Variants in LRMDA observed in about 807,000 individuals in gnomAD.
LRMDA encodes leucine-rich melanocyte differentiation-associated protein.
A neutral mutation model predicts 29.8 loss-of-function variants in LRMDA; 18 were observed. The observed-to-expected ratio is 0.60, with a 90% confidence interval of 0.42 to 0.90. The LOEUF (loss-of-function observed/expected upper bound fraction) is 0.90, where lower values mean the gene tolerates loss of function less well. Ranked by LOEUF, LRMDA falls within the 40% of genes least tolerant of loss-of-function variation. The pLI is 0.00. For synonymous variants in LRMDA, 125 were observed against 109.4 expected, an observed-to-expected ratio of 1.14 and a Z score of -0.89; for missense variants, 273 against 273.9, an observed-to-expected ratio of 1.00 and a Z score of 0.02.
intron 5 of LRMDA, among the ~76,000 whole-genome samples, chr10:76,068,413 A>C (rs768809797): frequency 2.0e-5 from 3 of 152,146 alleles, no homozygotes; most frequent in Non-Finnish European, 2.9e-5. Context: ...CAATTATTCC[A>C]CAGACTGGGG....
intron 2 of LRMDA, among the ~76,000 whole-genome samples, chr10:75,683,273 G>C (rs773566175): frequency 1.3e-5 from 2 of 152,172 alleles, no homozygotes; most frequent in Non-Finnish European, 2.9e-5. Flanking sequence ...AGGATAAATA[G>C]CTGCTCACAG....
In LRMDA at chr10:75,559,084, C is replaced by G. The variant is rs1367922147; in HGVS notation, c.131+120590C>G. Among the ~76,000 whole-genome samples, 18 of 150,784 alleles carry G rather than the reference C, an allele frequency of 1.2e-4. No homozygotes were observed. The East Asian group carries it at 2.0e-3, about 16-fold the overall frequency. ...GCTGGGTCAAATGGTATTTCTAGTT[C>G]TAGATCCCTGAGGAATCGCCACACT... is the stretch of plus-strand genomic sequence containing the variant. On this transcript the variant is annotated intron_variant, in intron 2 of 6. Coordinates refer to ENST00000611255, the MANE Select transcript of LRMDA (RefSeq NM_001305581.2).
At chr10:75,778,217 A>G (rs1178858375) in intron 2 of LRMDA, among the ~76,000 whole-genome samples, 1 of 152,100 alleles carries the variant, frequency 6.6e-6, no homozygotes, top group Non-Finnish European at 1.5e-5. Context: ...AGGTGGGACT[A>G]CAGGTGCACG....
At chr10:76,540,607 A>G (rs954763077) in intron 6 of LRMDA, among the ~76,000 whole-genome samples, 4 of 152,182 alleles carry the variant, frequency 2.6e-5, no homozygotes, top group African/African-American at 4.8e-5. Context: ...TGCTACACAC[A>G]CAATAGAGTC....
intron 2 of LRMDA, among the ~76,000 whole-genome samples, chr10:75,961,776 G>A (rs551392675): frequency 2.6e-5 from 4 of 152,218 alleles, no homozygotes. Flanking sequence ...AGTACTGCAC[G>A]TTGGATAGCT....
At chr10:75,747,848 T>A (rs1842907429) in intron 2 of LRMDA, among the ~76,000 whole-genome samples, 1 of 152,198 alleles carries the variant, frequency 6.6e-6, no homozygotes, top group African/African-American at 2.4e-5. Flanking sequence ...ACTAGATTGC[T>A]ATTAGGATTG....
At chr10:75,852,014 C>A (rs1363722024) in intron 2 of LRMDA, among the ~76,000 whole-genome samples, 2 of 152,190 alleles carry the variant, frequency 1.3e-5, no homozygotes, top group East Asian at 3.9e-4. Flanking sequence ...TTGGAGTGGG[C>A]AATTCCCCAC....
chr10:75,710,618 CT>C (rs1842424776), intron 2 of LRMDA, among the ~76,000 whole-genome samples: 1 of 152,252 alleles, frequency 6.6e-6, no homozygotes, highest in South Asian at 2.1e-4. Flanking sequence ...CCCGCTTCCC[CT>C]GGTCTCTTCT....
At chr10:76,133,846 AG>A (rs1348998758) in intron 5 of LRMDA, among the ~76,000 whole-genome samples, 1 of 151,400 alleles carries the variant, frequency 6.6e-6, no homozygotes, top group Non-Finnish European at 1.5e-5. Context: ...GGGGATGGGA[AG>A]GGGGGAGATG....
At chr10:75,704,113 C>T (rs1206395712) in intron 2 of LRMDA, among the ~76,000 whole-genome samples, 2 of 152,180 alleles carry the variant, frequency 1.3e-5, no homozygotes, top group South Asian at 2.1e-4. Context: ...ACAAAATACT[C>T]TGACATATTT....
chr10:75,671,012 C>T (rs1841884835), intron 2 of LRMDA, among the ~76,000 whole-genome samples: 1 of 152,144 alleles, frequency 6.6e-6, no homozygotes, highest in African/African-American at 2.4e-5. Flanking sequence ...TCTCTGTGGT[C>T]CCTCTTGGGA....
At chr10:75,538,266 G>A (rs1839975977) in intron 2 of LRMDA, among the ~76,000 whole-genome samples, 1 of 152,136 alleles carries the variant, frequency 6.6e-6, no homozygotes, top group African/African-American at 2.4e-5. Context: ...TGCTGCCCAG[G>A]GAGCTTTGCA....
At chr10:75,646,412 G>A (rs751432610) in intron 2 of LRMDA, among the ~76,000 whole-genome samples, 3 of 152,092 alleles carry the variant, frequency 2.0e-5, no homozygotes, top group Non-Finnish European at 4.4e-5. Context: ...GTGCAGCACC[G>A]GGCTCTTGCC....
intron 2 of LRMDA, among the ~76,000 whole-genome samples, chr10:75,512,256 G>C (rs766121357): frequency 6.6e-6 from 1 of 152,108 alleles, no homozygotes; most frequent in Non-Finnish European, 1.5e-5. Flanking sequence ...CTTCCCTCCT[G>C]GTAGGTGGGA....
At chr10:75,675,668 T>G (rs1182189720) in intron 2 of LRMDA, among the ~76,000 whole-genome samples, 1 of 151,980 alleles carries the variant, frequency 6.6e-6, no homozygotes, top group Non-Finnish European at 1.5e-5. Context: ...TAGACCTGAT[T>G]ATAAAATGAA....
intron 2 of LRMDA, among the ~76,000 whole-genome samples, chr10:75,771,252 C>T (rs897766040): frequency 9.9e-5 from 15 of 152,048 alleles, no homozygotes; most frequent in Non-Finnish European, 1.2e-4. Context: ...TCACTCCCTC[C>T]CTCCTTCCCT....
At chr10:75,463,118 C>T (rs1289716776) in intron 2 of LRMDA, among the ~76,000 whole-genome samples, 1 of 152,190 alleles carries the variant, frequency 6.6e-6, no homozygotes, top group East Asian at 1.9e-4. Flanking sequence ...GCATCCTCTT[C>T]TCTCTGCTTC....
At chr10:76,088,836 G>A (rs1197382104) in intron 5 of LRMDA, among the ~76,000 whole-genome samples, 3 of 152,076 alleles carry the variant, frequency 2.0e-5, no homozygotes, top group African/African-American at 7.2e-5. Flanking sequence ...ATGAACAATT[G>A]TTTTTTCTTT....
intron 5 of LRMDA, among the ~76,000 whole-genome samples, chr10:76,191,456 C>G (rs1851244901): frequency 6.6e-6 from 1 of 152,156 alleles, no homozygotes. Flanking sequence ...TAACCTTTCC[C>G]CAAACACCTC....
Sources: gnomAD v4.1 joint callset for allele counts (sites outside exome capture counted in the v4.1 genomes callset) on GRCh38, gnomAD v4.1.1 for gene constraint, MANE v1.5 for transcripts, NCBI Gene and HGNC (gene_info 2026-07-23, HGNC 2026-07-21) for gene names.